MAGI2: variants seen among roughly 807,000 people sequenced by gnomAD.
The protein encoded by MAGI2 is membrane-associated guanylate kinase, WW and PDZ domain-containing protein 2.
Under a neutral mutation model 133.3 loss-of-function variants are expected in MAGI2, and 35 were observed. The ratio of observed to expected loss-of-function variants is 0.26; its 90% confidence interval spans 0.20 to 0.35. The LOEUF is 0.35. MAGI2 is among the 10% of genes least tolerant of loss of function. The probability of loss-of-function intolerance (pLI) is 1.00; values close to 1 mark genes in which losing one functional copy is unlikely to be tolerated. For synonymous variants in MAGI2, 729 were observed against 710.6 expected (o/e 1.03, Z -0.41); for missense variants, 1,636 against 1,863.4 (o/e 0.88, Z 2.25).
At chr7:79,147,564 C>T (rs1585044926) in intron 1 of MAGI2, among the ~76,000 whole-genome samples, 3 of 152,212 alleles carry the variant, frequency 2.0e-5, no homozygotes, top group African/African-American at 7.2e-5. Flanking sequence ...CATCCCCTAA[C>T]AAAAGATGTC....
At chr7:78,218,195 G>A (rs1250333501) in intron 10 of MAGI2, among the ~76,000 whole-genome samples, 3 of 152,332 alleles carry the variant, frequency 2.0e-5, no homozygotes, top group African/African-American at 7.2e-5. Flanking sequence ...ATGTGCCTTG[G>A]TTGAGTCATG....
chr7:78,371,642 GA>G lies in MAGI2; in HGVS notation c.1046-2430del, dbSNP rs1450874802. ...AGTTCATTGATTCTTTTCTTTGTCA[GA>G]TTTACAATGCCAAATTTCTTGGGTA... On this transcript the variant is annotated intron_variant, in intron 6 of 21. Transcript: ENST00000354212. Among the ~76,000 whole-genome samples the G allele has an allele frequency of 7.9e-5, 12 of 151,876 alleles. 1 individual carries two copies. The highest frequency in any genetic ancestry group is 2.9e-4 in the African/African-American group (12 of 41,400).
intron 6 of MAGI2, among the ~76,000 whole-genome samples, chr7:78,398,509 T>G (rs552412183): frequency 6.6e-6 from 1 of 152,218 alleles, no homozygotes; most frequent in Non-Finnish European, 1.5e-5. Context: ...GGTTTCTTCC[T>G]GACTATAGAC....
chr7:78,574,496 A>G (rs1206237938), intron 3 of MAGI2, among the ~76,000 whole-genome samples: 1 of 152,236 alleles, frequency 6.6e-6, no homozygotes, highest in Non-Finnish European at 1.5e-5. Flanking sequence ...ATGTCAAATT[A>G]ACTCCAAGAC....
chr7:79,418,655 G>T (rs115653741), intron 1 of MAGI2, among the ~76,000 whole-genome samples: 1 of 151,772 alleles, frequency 6.6e-6, no homozygotes, highest in Non-Finnish European at 1.5e-5. Flanking sequence ...CAGGGAAGAA[G>T]GCTGACTAGA....
At chr7:78,113,991 A>G (rs1819613373) in intron 20 of MAGI2, among the ~76,000 whole-genome samples, 1 of 152,218 alleles carries the variant, frequency 6.6e-6, no homozygotes, top group Non-Finnish European at 1.5e-5. Flanking sequence ...CCTGCTGCTC[A>G]GGAGGACCTG....
At chr7:78,545,784 G>T (rs1439074429) in intron 3 of MAGI2, among the ~76,000 whole-genome samples, 1 of 152,118 alleles carries the variant, frequency 6.6e-6, no homozygotes, top group Non-Finnish European at 1.5e-5. Flanking sequence ...TAGTCAACAT[G>T]AGACTGATTA....
At chr7:79,090,011 AG>A (rs1005149409) in intron 1 of MAGI2, among the ~76,000 whole-genome samples, 1 of 152,128 alleles carries the variant, frequency 6.6e-6, no homozygotes, top group African/African-American at 2.4e-5. Context: ...ATAAAAAAAA[AG>A]AAAATTACAT....
chr7:78,427,205 G>C (rs976765534), intron 6 of MAGI2, among the ~76,000 whole-genome samples: 4 of 151,980 alleles, frequency 2.6e-5, no homozygotes, highest in Middle Eastern at 3.4e-3. Flanking sequence ...GGGGCAAATA[G>C]GAAGAATAAC....
At chr7:78,405,450 T>C (rs1175517018) in intron 6 of MAGI2, among the ~76,000 whole-genome samples, 1 of 152,096 alleles carries the variant, frequency 6.6e-6, no homozygotes, top group African/African-American at 2.4e-5. Flanking sequence ...ATGCTTTATA[T>C]TCAGAACTCA....
At chr7:79,134,268 CA>C (rs1278535848) in intron 1 of MAGI2, among the ~76,000 whole-genome samples, 2 of 152,092 alleles carry the variant, frequency 1.3e-5, no homozygotes, top group Non-Finnish European at 2.9e-5. Context: ...ATATAATAAT[CA>C]AAAGAGAAAA....
chr7:79,383,510 T>C (rs1359047651), intron 1 of MAGI2, among the ~76,000 whole-genome samples: 2 of 151,576 alleles, frequency 1.3e-5, no homozygotes, highest in African/African-American at 4.8e-5. Context: ...TAAATTATTT[T>C]AGTGAATTTT....
At chr7:79,444,253 C>T (rs1490112900) in intron 1 of MAGI2, among the ~76,000 whole-genome samples, 3 of 152,158 alleles carry the variant, frequency 2.0e-5, no homozygotes, top group Non-Finnish European at 4.4e-5. Context: ...AAAACTGGCT[C>T]AAGACAGGGA....
At chr7:78,138,479 A>G (rs975617120) in intron 16 of MAGI2, among the ~76,000 whole-genome samples, 3 of 152,122 alleles carry the variant, frequency 2.0e-5, no homozygotes, top group Non-Finnish European at 4.4e-5. Flanking sequence ...TGACTTTTGA[A>G]ATGAAATTTA....
intron 6 of MAGI2, among the ~76,000 whole-genome samples, chr7:78,415,374 G>C (rs1488881225): frequency 6.6e-6 from 1 of 151,678 alleles, no homozygotes; most frequent in Non-Finnish European, 1.5e-5. Flanking sequence ...TATTCCAAAA[G>C]GTTTATAAAA....
intron 1 of MAGI2, among the ~76,000 whole-genome samples, chr7:79,204,979 G>A (rs931179867): frequency 1.3e-5 from 2 of 151,678 alleles, no homozygotes; most frequent in Admixed American, 1.3e-4. Flanking sequence ...TGGGACTTAT[G>A]AAACATCATC....
intron 1 of MAGI2, among the ~76,000 whole-genome samples, chr7:79,361,960 C>T (rs1020221696): frequency 2.0e-5 from 3 of 151,818 alleles, no homozygotes; most frequent in African/African-American, 7.3e-5. Flanking sequence ...CAAATAGTTA[C>T]AGTTTATGGA....
chr7:78,739,933 C>T (rs57787312), intron 2 of MAGI2, among the ~76,000 whole-genome samples: 2 of 152,046 alleles, frequency 1.3e-5, no homozygotes, highest in African/African-American at 4.8e-5. Context: ...CCGAGGCGGG[C>T]GGATCACGAC....
At chr7:78,355,999 G>A (rs1057446977) in intron 7 of MAGI2, among the ~76,000 whole-genome samples, 12 of 152,190 alleles carry the variant, frequency 7.9e-5, no homozygotes, top group Non-Finnish European at 1.6e-4. Flanking sequence ...TGAATGAGGA[G>A]TCAGGAGACT....
Sources: gnomAD v4.1 joint callset for allele counts (sites outside exome capture counted in the v4.1 genomes callset) on GRCh38, gnomAD v4.1.1 for gene constraint, MANE v1.5 for transcripts, NCBI Gene and HGNC (gene_info 2026-07-23, HGNC 2026-07-21) for gene names.